APMAP: variants seen among roughly 807,000 people sequenced by gnomAD.
APMAP encodes the protein adipocyte plasma membrane associated protein.
A neutral mutation model predicts 43.6 loss-of-function variants in APMAP; 33 were observed. The ratio of observed to expected loss-of-function variants is 0.76; its 90% CI spans 0.57 to 1.01. The LOEUF is 1.01. APMAP is among the 50% of genes least tolerant of loss of function. The pLI is 0.00. For synonymous variants in APMAP, 224 were observed against 216.7 expected, an observed-to-expected ratio of 1.03 and a Z score of -0.30; for missense variants, 498 against 540.7, an observed-to-expected ratio of 0.92 and a Z score of 0.78.
chr20:24,963,982 T>C lies in APMAP; in HGVS notation c.1082A>G (p.Tyr361Cys), dbSNP rs1385166674. Reference protein sequence around the residue: ...QETVMKFVPRYSLVLELSDSG... With the variant: ...QETVMKFVPRCSLVLELSDSG... ...GTCGCTGAGTTCTAGGACGAGGCTG[T>C]ACCGCGGCACAAACTTCATCACCGT... Residue 361 changes from tyrosine (Y) to cysteine (C), a missense_variant, in exon 9 of 9, where the codon TAC becomes TGC. Coordinates refer to ENST00000217456, the MANE Select transcript of APMAP (RefSeq NM_020531.3). The C allele has an allele frequency of 6.2e-6, 10 of 1,614,106 alleles. No homozygotes were observed. The highest frequency in any genetic ancestry group is 5.0e-5 in the Admixed American group (3 of 60,008).
chr20:24,981,269 G>C (rs2088102265), intron 2 of APMAP, among the ~76,000 whole-genome samples: 1 of 152,230 alleles, frequency 6.6e-6, no homozygotes, highest in African/African-American at 2.4e-5. Context: ...GTACAGAGTA[G>C]TTTTCAAGAT....
chr20:24,979,945 C>G (rs1222136689), intron 2 of APMAP, among the ~76,000 whole-genome samples: 2 of 152,148 alleles, frequency 1.3e-5, no homozygotes, highest in African/African-American at 4.8e-5. Flanking sequence ...ACCCAGGAGG[C>G]CCACTCTGAC....
At chr20:24,978,257 T>A (rs1455964279) in intron 3 of APMAP, among the ~76,000 whole-genome samples, 1 of 152,174 alleles carries the variant, frequency 6.6e-6, no homozygotes, top group African/African-American at 2.4e-5. Flanking sequence ...CAGACCCAAT[T>A]CTAGTTCTGA....
chr20:24,976,582 T>C (rs1004178159), intron 3 of APMAP, among the ~76,000 whole-genome samples: 10 of 152,216 alleles, frequency 6.6e-5, no homozygotes, highest in African/African-American at 2.4e-4. Context: ...CTCTCACTAA[T>C]TGTTAATGGG....
intron 3 of APMAP, among the ~76,000 whole-genome samples, chr20:24,977,158 T>C (rs1353775811): frequency 6.6e-6 from 1 of 152,244 alleles, no homozygotes; most frequent in East Asian, 1.9e-4. Flanking sequence ...GAGTGAACCC[T>C]ACCGTAAACT....
At position 24,963,744 on chromosome 20, in the gene APMAP, C is replaced by A; in HGVS notation, c.*69G>T. On this transcript the variant is annotated 3_prime_UTR_variant, in exon 9 of 9. Transcript: ENST00000217456. Reference sequence around the variant, plus strand: ...ACCACGACTGTGTCCACAGCTCCTCCTGGACCAGGCCTGGTGCCTGAGTGT... The same window carrying A: ...ACCACGACTGTGTCCACAGCTCCTCATGGACCAGGCCTGGTGCCTGAGTGT... 6.6e-7 allele frequency: 1 copy of A among 1,503,806 alleles called. No homozygotes were observed. 93.2% of individuals were successfully genotyped at this position (1,503,806 alleles called of 1,614,324 possible).
intron 5 of APMAP, 51 bp downstream of exon 5, chr20:24,971,409 G>T (rs150591728): frequency 6.4e-4 from 954 of 1,494,366 alleles, no homozygotes; most frequent in Non-Finnish European, 8.4e-4. Context: ...TACATATATT[G>T]TTTAAAAGAT....
In APMAP at chr20:24,969,155, C is replaced by T. The variant is rs954488581; in HGVS notation, c.849-71G>A. Reference sequence around the variant, plus strand: ...TCAGAAAAAAAATTTTAGCCAAGCACCAAACTGGTCTTGGTCCAAATATAT... The same window carrying T: ...TCAGAAAAAAAATTTTAGCCAAGCATCAAACTGGTCTTGGTCCAAATATAT... On this transcript the variant is annotated intron_variant, in intron 7 of 8. Coordinates refer to ENST00000217456, the MANE Select transcript of APMAP (RefSeq NM_020531.3). 13 of 1,408,718 alleles carry T rather than the reference C, an allele frequency of 9.2e-6. No homozygotes were observed. The South Asian group carries it at 1.7e-4, about 19-fold the overall frequency. 87.3% of individuals were successfully genotyped at this position (1,408,718 alleles called of 1,614,324 possible). A position where few individuals can be genotyped will look rare whatever the true frequency, so the allele number is the denominator to read the frequency against.
intron 7 of APMAP, 115 bp from the exon 8 acceptor site, chr20:24,969,199 G>C: frequency 1.8e-6 from 2 of 1,097,476 alleles, no homozygotes; most frequent in East Asian, 5.3e-5. Context: ...AGTGCTCTAT[G>C]ACCATCATGA....
chr20:24,982,133 G>C (rs1197848128), intron 2 of APMAP, among the ~76,000 whole-genome samples: 1 of 151,986 alleles, frequency 6.6e-6, no homozygotes, highest in Admixed American at 6.5e-5. Context: ...GAGCCCAGGA[G>C]AGAGGTCCCT....
At position 24,970,234 on chromosome 20, in the gene APMAP, A is replaced by G. The variant is rs2087986465; in HGVS notation, c.676T>C (p.Tyr226His). The change falls in exon 6 of 9, where the codon TAC becomes CAC. Residue 226 changes from tyrosine to histidine, a missense_variant. Transcript: ENST00000217456. ...GTGCCCTCCATCACCAGAAGCAGGT[A>G]GTCTCGTCTTTGCCATTTGCTGCTA... ...DSSSKWQRRD[Y>H]LLLVMEGTDD... 7 of 1,614,200 alleles carry G rather than the reference A, an allele frequency of 4.3e-6. No individual in the cohort carries two copies. The highest frequency in any genetic ancestry group is 4.2e-6 in the Non-Finnish European group (5 of 1,180,038).
At chr20:24,970,160 G>A (rs1286097463) in intron 6 of APMAP, 37 bp downstream of exon 6, 2 of 1,611,740 alleles carry the variant, frequency 1.2e-6, no homozygotes, top group Middle Eastern at 1.7e-4. Flanking sequence ...CCTGGCTGGT[G>A]AACTCAACAA....
intron 1 of APMAP, among the ~76,000 whole-genome samples, chr20:24,985,917 G>A (rs145535820): frequency 6.6e-6 from 1 of 152,342 alleles, no homozygotes; most frequent in East Asian, 1.9e-4. Context: ...GATGTCACGA[G>A]CATGGGATTG....
At chr20:24,966,305 C>T (rs2087942436) in intron 8 of APMAP, among the ~76,000 whole-genome samples, 1 of 152,214 alleles carries the variant, frequency 6.6e-6, no homozygotes, top group South Asian at 2.1e-4. Context: ...ATGACTGTAA[C>T]ATAATCACCA....
rs1301995727 is a variant in APMAP, at chr20:24,992,739, C to G, written c.-51G>C. 14 of 1,375,702 alleles carry G rather than the reference C, an allele frequency of 1.0e-5. No homozygotes were observed. The East Asian group carries it at 3.2e-4, about 31-fold the overall frequency. 85.2% of individuals were successfully genotyped at this position (1,375,702 alleles called of 1,614,324 possible). A position where few individuals can be genotyped will look rare whatever the true frequency, so the allele number is the denominator to read the frequency against. On this transcript the variant is annotated 5_prime_UTR_variant, in exon 1 of 9. Coordinates refer to ENST00000217456, the MANE Select transcript of APMAP (RefSeq NM_020531.3). ...GAAACCACCTCACACTGAGCGGCGC[C>G]GGCTCAGACTCCAGGCCCGCCCTCC...
At chr20:24,965,553 A>G (rs2122477846) in intron 8 of APMAP, among the ~76,000 whole-genome samples, 1 of 152,114 alleles carries the variant, frequency 6.6e-6, no homozygotes, top group East Asian at 1.9e-4. Flanking sequence ...ACGGGCTGTC[A>G]GGGCCCACAC....
intron 8 of APMAP, chr20:24,964,532 C>G (rs1055382310): frequency 2.2e-6 from 1 of 458,588 alleles, no homozygotes; most frequent in Non-Finnish European, 4.5e-6. Flanking sequence ...GCTTCCAAAA[C>G]AAAAAGCAAA....
intron 6 of APMAP, 151 bp from the exon 7 acceptor site, chr20:24,969,811 C>G (rs1464062048): frequency 1.0e-5 from 11 of 1,097,348 alleles, no homozygotes; most frequent in African/African-American, 1.6e-5. Flanking sequence ...AGGCTGGCCC[C>G]TGGGGGCCCT....
rs963120269 is a variant in APMAP at position 24,982,834 on chromosome 20, C to A, written c.212+1069G>T. ...CCCTCCCTCAACACATCAGGGGACC[C>A]CCCCCCGCCACCCACCCCTGACGCC... On this transcript the variant is annotated intron_variant, in intron 2 of 8. Coordinates refer to ENST00000217456, the MANE Select transcript of APMAP (RefSeq NM_020531.3). Among the ~76,000 whole-genome samples, 6 of 152,042 alleles carry A rather than the reference C, an allele frequency of 3.9e-5. 1 individual carries two copies. The highest frequency in any genetic ancestry group is 7.3e-5 in the African/African-American group (3 of 41,364).
Sources: gnomAD v4.1 joint callset for allele counts (sites outside exome capture counted in the v4.1 genomes callset) on GRCh38, gnomAD v4.1.1 for gene constraint, MANE v1.5 for transcripts, NCBI Gene and HGNC (gene_info 2026-07-23, HGNC 2026-07-21) for gene names.